Variants in ROBO2 observed in about 807,000 individuals in gnomAD.
ROBO2 encodes roundabout homolog 2.
Under a neutral mutation model 160.8 loss-of-function variants are expected in ROBO2, and 53 were observed. That is an observed-to-expected ratio of 0.33 (90% CI 0.26 to 0.41). The LOEUF (loss-of-function observed/expected upper bound fraction) is 0.41, where lower values mean the gene tolerates loss of function less well. ROBO2 is among the 10% of genes least tolerant of loss of function. ROBO2 has a pLI of 1.00. For missense variants in ROBO2, 1,577 were observed against 1,722.4 expected (o/e 0.92, Z 1.49); for synonymous variants, 664 against 611.7 (o/e 1.09, Z -1.26).
At chr3:77,409,819 A>G (rs2076558484) in intron 2 of ROBO2, among the ~76,000 whole-genome samples, 1 of 152,164 alleles carries the variant, frequency 6.6e-6, no homozygotes, top group Admixed American at 6.5e-5. Flanking sequence ...CAATTATAAG[A>G]CCAAGGAAAG....
intron 2 of ROBO2, among the ~76,000 whole-genome samples, chr3:77,438,183 T>G (rs2079511049): frequency 6.6e-6 from 1 of 151,358 alleles, no homozygotes. Context: ...TCTAGATAGA[T>G]AGATAGGTAG....
intron 2 of ROBO2, among the ~76,000 whole-genome samples, chr3:76,382,396 G>C (rs1346123590): frequency 6.6e-6 from 1 of 152,140 alleles, no homozygotes; most frequent in Non-Finnish European, 1.5e-5. Context: ...AGACCATCCT[G>C]GCTAACACGG....
chr3:77,626,319 GTTTA>G (rs1218780574), intron 23 of ROBO2, among the ~76,000 whole-genome samples: 1 of 152,090 alleles, frequency 6.6e-6, no homozygotes, highest in Non-Finnish European at 1.5e-5. Flanking sequence ...TCAGTTCTAT[GTTTA>G]TTTAAAGTGA....
intron 20 of ROBO2, among the ~76,000 whole-genome samples, chr3:77,606,843 T>C (rs1475036644): frequency 1.3e-5 from 2 of 152,172 alleles, no homozygotes; most frequent in Non-Finnish European, 2.9e-5. Flanking sequence ...CAGATATTGC[T>C]GTAGGCTGTG....
intron 2 of ROBO2, among the ~76,000 whole-genome samples, chr3:76,538,562 G>C (rs1403305245): frequency 2.0e-5 from 3 of 152,036 alleles, no homozygotes; most frequent in Non-Finnish European, 2.9e-5. Flanking sequence ...TTGGACTATT[G>C]GTGTGAAAAC....
intron 2 of ROBO2, among the ~76,000 whole-genome samples, chr3:76,469,840 T>G (rs974363021): frequency 2.0e-5 from 3 of 152,152 alleles, no homozygotes; most frequent in Admixed American, 6.6e-5. Flanking sequence ...AAATTTTGTC[T>G]TCTCTCACTA....
chr3:77,441,131 G>A, intron 2 of ROBO2, among the ~76,000 whole-genome samples: 1 of 151,934 alleles, frequency 6.6e-6, no homozygotes, highest in South Asian at 2.1e-4. Context: ...CTCTTTCACT[G>A]GGGCTTGTCC....
chr3:76,510,541 T>C (rs1178830962), intron 2 of ROBO2, among the ~76,000 whole-genome samples: 1 of 152,092 alleles, frequency 6.6e-6, no homozygotes. Flanking sequence ...CTGGCCAACA[T>C]GGCAAAATCC....
chr3:76,868,916 C>G (rs2071673038), intron 2 of ROBO2, among the ~76,000 whole-genome samples: 1 of 152,088 alleles, frequency 6.6e-6, no homozygotes, highest in South Asian at 2.1e-4. Flanking sequence ...AAATTTTGAA[C>G]TGCAACCAGA....
At chr3:76,114,757 T>C (rs1039189691) in intron 2 of ROBO2, among the ~76,000 whole-genome samples, 2 of 152,188 alleles carry the variant, frequency 1.3e-5, no homozygotes, top group Non-Finnish European at 2.9e-5. Flanking sequence ...ACATGTTTAT[T>C]GAAAACTCAG....
chr3:76,623,943 A>G (rs2109318993), intron 2 of ROBO2, among the ~76,000 whole-genome samples: 1 of 152,278 alleles, frequency 6.6e-6, no homozygotes, highest in South Asian at 2.1e-4. Context: ...GACTACATTT[A>G]GTATAACTTA....
At chr3:77,342,517 T>C (rs1560577150) in intron 2 of ROBO2, among the ~76,000 whole-genome samples, 1 of 152,144 alleles carries the variant, frequency 6.6e-6, no homozygotes, top group Non-Finnish European at 1.5e-5. Context: ...AACATAAACT[T>C]ATATGTCTAC....
intron 24 of ROBO2, 74 bp from the exon 27 acceptor site, chr3:77,644,630 A>T (rs2095392828): frequency 8.6e-6 from 11 of 1,284,530 alleles, no homozygotes; most frequent in Non-Finnish European, 1.2e-5. Flanking sequence ...TCACAGTGTT[A>T]TATTCAAGAG....
intron 2 of ROBO2, among the ~76,000 whole-genome samples, chr3:76,968,121 C>T (rs1422049957): frequency 6.6e-6 from 1 of 152,042 alleles, no homozygotes. Flanking sequence ...TTTCTCATTG[C>T]ACTCAAACAC....
At chr3:77,523,508 G>A (rs2090824132) in intron 6 of ROBO2, among the ~76,000 whole-genome samples, 1 of 151,394 alleles carries the variant, frequency 6.6e-6, no homozygotes, top group Admixed American at 6.6e-5. Context: ...TGGGTGTCAT[G>A]CACTTCCTCA....
intron 2 of ROBO2, among the ~76,000 whole-genome samples, chr3:76,002,752 G>T (rs1559822165): frequency 6.6e-6 from 1 of 152,052 alleles, no homozygotes; most frequent in East Asian, 1.9e-4. Context: ...AAAGCTTCAA[G>T]ACATTAGGAG....
At chr3:76,748,196 A>G (rs1246810555) in intron 2 of ROBO2, among the ~76,000 whole-genome samples, 1 of 151,950 alleles carries the variant, frequency 6.6e-6, no homozygotes, top group Non-Finnish European at 1.5e-5. Flanking sequence ...TTAGTGAGTT[A>G]ACAGAAGGTT....
In ROBO2 at chr3:77,555,375, G is replaced by A. The variant is rs190214364; in HGVS notation, c.1232-2569G>A. Among the ~76,000 whole-genome samples, 495 of 151,918 alleles carry A rather than the reference G, an allele frequency of 3.3e-3. 2 individuals carry two copies. The highest frequency in any genetic ancestry group is 4.3e-3 in the Non-Finnish European group (293 of 67,916). ...AGTGTATCTGTTGTCACATTTTTGC[G>A]CTTAGACTCATTTTCTGGAAATATT... On this transcript the variant is annotated intron_variant, in intron 8 of 25. Coordinates refer to ENST00000461745, the Ensembl canonical transcript of ROBO2.
chr3:76,763,828 C>T (rs968491003), intron 2 of ROBO2, among the ~76,000 whole-genome samples: 2 of 151,694 alleles, frequency 1.3e-5, no homozygotes, highest in Admixed American at 6.6e-5. Flanking sequence ...GCTTTGCCAG[C>T]GCAGTTTGAA....
Sources: allele counts gnomAD v4.1 joint callset (sites outside exome capture counted in the v4.1 genomes callset), GRCh38; gene constraint gnomAD v4.1.1; transcripts MANE v1.5; gene names NCBI Gene and HGNC (gene_info 2026-07-23, HGNC 2026-07-21).